The following ZNF560 variants were observed in gnomAD, a reference collection of about 807,000 sequenced individuals.
ZNF560 encodes the protein zinc finger protein 560.
In ZNF560, 54 loss-of-function variants were observed where a neutral mutation model predicts 81.8. The observed-to-expected ratio is 0.66, with a 90% CI of 0.53 to 0.83. The LOEUF (loss-of-function observed/expected upper bound fraction) is 0.83, where lower values mean the gene tolerates loss of function less well. Among genes scored for constraint, ZNF560 ranks in the 40% least tolerant of loss-of-function variants. ZNF560 has a pLI of 0.00. For synonymous variants in ZNF560, 321 were observed against 317.9 expected, an observed-to-expected ratio of 1.01 and a Z score of -0.10; for missense variants, 940 against 932.4, an observed-to-expected ratio of 1.01 and a Z score of -0.11.
At chr19:9,450,074 T>G in the ZNF560 span, among the ~76,000 whole-genome samples, 2 of 150,564 alleles carry the variant, frequency 1.3e-5, no homozygotes, top group Non-Finnish European at 2.9e-5. Context: ...AGCTGGATCA[T>G]GAGGTCAGGA....
intron 2 of ZNF560, among the ~76,000 whole-genome samples, chr19:9,485,181 T>A (rs945131924): frequency 1.3e-5 from 2 of 152,058 alleles, no homozygotes; most frequent in African/African-American, 4.8e-5. Flanking sequence ...TCTAAACCAA[T>A]CCTTCTGAAA....
upstream of ZNF560, among the ~76,000 whole-genome samples, chr19:9,500,320 G>C (rs1174394339): frequency 6.6e-6 from 1 of 150,692 alleles, no homozygotes; most frequent in African/African-American, 2.4e-5. Flanking sequence ...GGGAGGCGGA[G>C]GTTACGGAGT....
intron 4 of ZNF560, 82 bp from the exon 5 acceptor site, chr19:9,473,341 G>T: frequency 9.5e-7 from 1 of 1,054,120 alleles, no homozygotes; most frequent in Non-Finnish European, 1.4e-6. Context: ...AGCACTTTGG[G>T]AGGCTGAAGT....
intron 3 of ZNF560, 107 bp downstream of exon 3, chr19:9,475,177 T>A: frequency 8.3e-7 from 1 of 1,202,418 alleles, no homozygotes; most frequent in Non-Finnish European, 1.2e-6. Context: ...CTTGAGTGAG[T>A]CTTTATTTAC....
chr19:9,500,268 C>T (rs960015494), upstream of ZNF560, among the ~76,000 whole-genome samples: 1 of 151,634 alleles, frequency 6.6e-6, no homozygotes, highest in African/African-American at 2.4e-5. Flanking sequence ...ACCTGTAATC[C>T]CAGCTACTCG....
chr19:9,504,608 A>G, the ZNF560 span, among the ~76,000 whole-genome samples: 1 of 152,116 alleles, frequency 6.6e-6, no homozygotes, highest in Admixed American at 6.6e-5. Flanking sequence ...TTTTCAAGCT[A>G]TGTCCTTACT....
downstream of ZNF560, among the ~76,000 whole-genome samples, chr19:9,465,179 G>T (rs967868915): frequency 2.1e-5 from 3 of 146,064 alleles, no homozygotes; most frequent in Non-Finnish European, 4.5e-5. Context: ...TCGCCAGGCT[G>T]GAGTGCAGTG....
chr19:9,484,091 C>T (rs1386881373), intron 2 of ZNF560, among the ~76,000 whole-genome samples: 1 of 152,110 alleles, frequency 6.6e-6, no homozygotes, highest in Non-Finnish European at 1.5e-5. Flanking sequence ...TGCTTGAAGG[C>T]AGCATGCTCG....
the ZNF560 span, among the ~76,000 whole-genome samples, chr19:9,456,620 T>C: frequency 6.6e-6 from 1 of 152,216 alleles, no homozygotes; most frequent in African/African-American, 2.4e-5. Flanking sequence ...ATTTCAATCA[T>C]ATCTCTACAT....
chr19:9,458,999 T>C, the ZNF560 span, among the ~76,000 whole-genome samples: 5 of 152,208 alleles, frequency 3.3e-5, no homozygotes, highest in African/African-American at 1.2e-4. Context: ...AACATCACCT[T>C]TTGCAGTGTT....
At chr19:9,447,818 C>T in the ZNF560 span, among the ~76,000 whole-genome samples, 2 of 152,090 alleles carry the variant, frequency 1.3e-5, no homozygotes, top group Admixed American at 1.3e-4. Flanking sequence ...GAAAATTTCC[C>T]TAATTGTGCT....
At chr19:9,487,828 G>A (rs1357144681) in intron 2 of ZNF560, among the ~76,000 whole-genome samples, 2 of 152,322 alleles carry the variant, frequency 1.3e-5, no homozygotes, top group East Asian at 3.9e-4. Context: ...TTGTTAGAAT[G>A]CTGAGGCATC....
At chr19:9,498,795 T>TG (rs1274556860), upstream of ZNF560, 1 of 145,488 alleles carries the variant, frequency 6.9e-6, no homozygotes, top group African/African-American at 2.5e-5. Context: ...CAGAGAAAGG[T>TG]GGGGGTTAAA....
Position 9,466,495 on chromosome 19 carries a change from G to A in ZNF560, c.*79C>T. ...TACATTGATAGTGTTACTTTCTCCT[G>A]TGAATTTTTACATGTTCAGTTAGGC... is the stretch of plus-strand genomic sequence containing the variant. On this transcript the variant is annotated 3_prime_UTR_variant, in exon 10 of 10. Coordinates refer to ENST00000301480, the MANE Select transcript of ZNF560 (RefSeq NM_152476.3). 1 of 1,352,570 alleles carries A rather than the reference G, an allele frequency of 7.4e-7. No homozygotes were observed. Among genetic ancestry groups the A allele is most frequent in the Non-Finnish European group, 1.0e-6 (1 of 986,044 alleles). 83.8% of individuals were successfully genotyped at this position (1,352,570 alleles called of 1,614,324 possible).
chr19:9,468,203 T>C lies in ZNF560; in HGVS notation c.744A>G (p.Ala248=). The C allele has an allele frequency of 6.2e-7, 1 of 1,614,202 alleles. No individual in the cohort carries two copies. Among genetic ancestry groups the C allele is most frequent in the Non-Finnish European group, 8.5e-7 (1 of 1,180,028 alleles). The change falls in exon 10 of 10, where the codon GCA becomes GCG. Residue 248 remains alanine (A), a synonymous_variant. Transcript: ENST00000301480. ...TATTGTATAGAGAAAGGAGGTCTTT[T>C]GCATACTGAATACATTCAGACGTGT... ...RGNTSECIQY[A]KDLLSLYNKT...
the ZNF560 span, among the ~76,000 whole-genome samples, chr19:9,460,346 A>G: frequency 6.6e-6 from 1 of 152,260 alleles, no homozygotes; most frequent in Non-Finnish European, 1.5e-5. Context: ...CACAGTGAGT[A>G]ATTTTATGAC....
At chr19:9,480,648 A>AG (rs2073273130) in intron 2 of ZNF560, among the ~76,000 whole-genome samples, 1 of 147,264 alleles carries the variant, frequency 6.8e-6, no homozygotes, top group Non-Finnish European at 1.5e-5. Flanking sequence ...GGGTGAAGAG[A>AG]AAAAAAAAAA....
At chr19:9,448,376 C>A in the ZNF560 span, among the ~76,000 whole-genome samples, 1 of 148,100 alleles carries the variant, frequency 6.8e-6, no homozygotes, top group Non-Finnish European at 1.5e-5. Context: ...GGATTACAGG[C>A]ATGCACCACC....
chr19:9,467,969 C>T lies in ZNF560; in HGVS notation c.978G>A (p.Gly326=). The change falls in exon 10 of 10, where the codon GGG becomes GGA. Residue 326 remains glycine (G), a synonymous_variant. Transcript: ENST00000301480. ...GGCTTGTGGAGTGAGTAAATGCTTCCCCACATTGCTTCCATTCATTGAGTT... is the reference window on the plus strand; with the variant it reads ...GGCTTGTGGAGTGAGTAAATGCTTCTCCACATTGCTTCCATTCATTGAGTT... ...GEKLNEWKQC[G]EAFTHSTSHA... 6.2e-7 allele frequency: 1 copy of T among 1,613,990 alleles called. No individual in the cohort carries two copies. Among genetic ancestry groups the T allele is most frequent in the Non-Finnish European group, 8.5e-7 (1 of 1,180,010 alleles).
Sources: allele counts gnomAD v4.1 joint callset (sites outside exome capture counted in the v4.1 genomes callset), GRCh38; gene constraint gnomAD v4.1.1; transcripts MANE v1.5; gene names NCBI Gene and HGNC (gene_info 2026-07-23, HGNC 2026-07-21).